Variants in SNX30 observed in about 807,000 individuals in gnomAD.
The protein encoded by SNX30 is sorting nexin family member 30, also known as sorting nexin-30.
Under a neutral mutation model 46.4 loss-of-function variants are expected in SNX30, and 24 were observed. That is an observed-to-expected ratio of 0.52 (90% CI 0.37 to 0.73). The LOEUF is 0.73. SNX30 is among the 30% of genes least tolerant of loss of function. The pLI is 0.00. For synonymous variants in SNX30, 189 were observed against 211.5 expected (o/e 0.89, Z 0.92); for missense variants, 533 against 555.7 (o/e 0.96, Z 0.41).
At chr9:112,830,588 A>G (rs1374438580) in intron 3 of SNX30, 137 bp from the exon 4 acceptor site, 1 of 694,760 alleles carries the variant, frequency 1.4e-6, no homozygotes, top group Non-Finnish European at 2.3e-6. Context: ...TCTTTATATT[A>G]ATGACTACAT....
chr9:112,855,914 G>A (rs1418928145), intron 7 of SNX30, among the ~76,000 whole-genome samples: 1 of 152,102 alleles, frequency 6.6e-6, no homozygotes, highest in Non-Finnish European at 1.5e-5. Flanking sequence ...TGGAAGGTGG[G>A]GGGCATCAGA....
chr9:112,826,477 C>T (rs981859096), intron 3 of SNX30, among the ~76,000 whole-genome samples: 21 of 152,116 alleles, frequency 1.4e-4, no homozygotes, highest in African/African-American at 5.1e-4. Context: ...AAAAACCAAC[C>T]ATATTTTTAT....
chr9:112,783,880 C>T (rs1255340568), intron 1 of SNX30, among the ~76,000 whole-genome samples: 1 of 152,180 alleles, frequency 6.6e-6, no homozygotes, highest in African/African-American at 2.4e-5. Context: ...GCAGCTGTCA[C>T]GTGGGTAAGA....
intron 6 of SNX30, among the ~76,000 whole-genome samples, chr9:112,847,425 T>G (rs1209470724): frequency 6.7e-6 from 1 of 148,330 alleles, no homozygotes; most frequent in Non-Finnish European, 1.5e-5. Flanking sequence ...GTTTAGTACA[T>G]ATCTCTAAAA....
downstream of SNX30, among the ~76,000 whole-genome samples, chr9:112,883,880 G>A (rs964156045): frequency 6.6e-6 from 1 of 151,846 alleles, no homozygotes; most frequent in Non-Finnish European, 1.5e-5. Flanking sequence ...GTATTTTATT[G>A]GAGACATGGT....
At chr9:112,816,554 G>A (rs947274182) in intron 2 of SNX30, among the ~76,000 whole-genome samples, 22 of 152,112 alleles carry the variant, frequency 1.4e-4, no homozygotes, top group African/African-American at 4.8e-4. Context: ...GTTAGTTGGG[G>A]GTCAGTCCAA....
chr9:112,767,041 G>A (rs940726756), intron 1 of SNX30, among the ~76,000 whole-genome samples: 2 of 151,900 alleles, frequency 1.3e-5, no homozygotes, highest in African/African-American at 4.8e-5. Context: ...GTTTTCCAAA[G>A]CAGTTGCACC....
At chr9:112,818,083 TA>T (rs1417365032) in intron 3 of SNX30, among the ~76,000 whole-genome samples, 2 of 152,150 alleles carry the variant, frequency 1.3e-5, no homozygotes, top group African/African-American at 4.8e-5. Flanking sequence ...GTTTTTCATT[TA>T]AAAAACAAGA....
chr9:112,847,656 A>G (rs759809178), intron 6 of SNX30, among the ~76,000 whole-genome samples: 17 of 152,328 alleles, frequency 1.1e-4, no homozygotes, highest in Non-Finnish European at 2.5e-4. Context: ...TTGTTAAAGA[A>G]TCATCTGTCT....
At chr9:112,753,528 G>A (rs1479100921) in intron 1 of SNX30, among the ~76,000 whole-genome samples, 3 of 152,162 alleles carry the variant, frequency 2.0e-5, no homozygotes, top group South Asian at 2.1e-4. Context: ...GATTACAGGC[G>A]TGTGCTACCT....
chr9:112,786,472 A>G (rs1224133707), intron 1 of SNX30, among the ~76,000 whole-genome samples: 1 of 151,692 alleles, frequency 6.6e-6, no homozygotes, highest in Non-Finnish European at 1.5e-5. Context: ...TAGCTAAGTA[A>G]GGCTGTAAGA....
At chr9:112,804,125 C>T (rs1374550376) in intron 1 of SNX30, among the ~76,000 whole-genome samples, 5 of 151,332 alleles carry the variant, frequency 3.3e-5, no homozygotes, top group African/African-American at 7.3e-5. Context: ...AGCTGTAGAC[C>T]GGAGCTGTTC....
rs1402246732 is a variant in SNX30, at chr9:112,797,694, CTTTTCT to C, written c.157-7065_157-7060del. Among the ~76,000 whole-genome samples, 259 of 136,136 alleles carry C rather than the reference CTTTTCT, an allele frequency of 1.9e-3. 1 individual carries two copies. The highest frequency in any genetic ancestry group is 6.7e-3 in the African/African-American group (248 of 37,114). 89.3% of individuals were successfully genotyped at this position (136,136 alleles called of 152,430 possible). A position where few individuals can be genotyped will look rare whatever the true frequency, so the allele number is the denominator to read the frequency against. On this transcript the variant is annotated intron_variant, in intron 1 of 8. Transcript: ENST00000374232. The stretch of plus-strand genomic sequence containing the variant: ...TTTATAGGTGCTTGCGCTCTCTCTT[CTTTTCT>C]TTTTCTTTTTCTTTTTTTTTTTTTT...
intron 6 of SNX30, 112 bp from the exon 7 acceptor site, chr9:112,850,747 C>G: frequency 1.4e-6 from 1 of 712,354 alleles, no homozygotes; most frequent in African/African-American, 1.8e-5. Flanking sequence ...ATGGCTGGGC[C>G]TGGGGTAGGC....
chr9:112,786,547 G>C (rs538507965), intron 1 of SNX30, among the ~76,000 whole-genome samples: 4 of 151,852 alleles, frequency 2.6e-5, no homozygotes, highest in Non-Finnish European at 5.9e-5. Context: ...TCTCCTAGTA[G>C]TGCATGGCCC....
chr9:112,804,821 C>A lies in SNX30; in HGVS notation c.202C>A (p.Pro68Thr). The change falls in exon 2 of 9, where the codon CCA (proline) becomes ACA (threonine). Residue 68 changes from proline to threonine, a missense_variant. By Grantham distance (38) the Pro-to-Thr change is conservative. Around this residue, in one of 3 missense-constraint regions of SNX30, gnomAD observed 191 missense variants for 160.3 expected, o/e 1.19. Transcript: ENST00000374232. ...TGGTACTCCAGCAGGTACTTCAAGT[C>A]CAGCTTCTTCATCTTCCCTTCTCAA... ...NGGTPAGTSS[P>T]ASSSSLLNRL... 1 of 1,613,682 alleles carries A rather than the reference C, an allele frequency of 6.2e-7. No individual in the cohort carries two copies. Among genetic ancestry groups the A allele is most frequent in the Non-Finnish European group, 8.5e-7 (1 of 1,179,722 alleles).
In SNX30 at chr9:112,823,270, C is replaced by T. The variant is rs1452338596; in HGVS notation, c.459+5455C>T. On this transcript the variant is annotated intron_variant, in intron 3 of 8. Coordinates refer to ENST00000374232, the MANE Select transcript of SNX30 (RefSeq NM_001012994.2). ...ATCTGCTGGGGGTCTTGGAATGTAT[C>T]CCCCTAGGATAAGGGAGGATGACTG... 3.9e-5 allele frequency among the ~76,000 whole-genome samples: 6 copies of T among 152,202 alleles called. No individual in the cohort carries two copies. The East Asian group carries it at 1.2e-3, about 29-fold the overall frequency.
chr9:112,857,154 C>T (rs550981158), intron 7 of SNX30, among the ~76,000 whole-genome samples: 137 of 152,312 alleles, frequency 9.0e-4, no homozygotes, highest in African/African-American at 2.9e-3. Flanking sequence ...CGTGTCATTG[C>T]GCAGGCAAGC....
At chr9:112,791,559 G>A (rs751436689) in intron 1 of SNX30, among the ~76,000 whole-genome samples, 14 of 151,730 alleles carry the variant, frequency 9.2e-5, no homozygotes, top group Non-Finnish European at 2.1e-4. Flanking sequence ...CTACAGGTGT[G>A]TGCCACCACG....
Sources: gnomAD v4.1 joint callset for allele counts (sites outside exome capture counted in the v4.1 genomes callset) on GRCh38, gnomAD v4.1.1 for gene constraint, gnomAD v4.1.1 regional missense constraint, MANE v1.5 for transcripts, NCBI Gene and HGNC (gene_info 2026-07-23, HGNC 2026-07-21) for gene names.